MEIKIN: variants seen among roughly 807,000 people sequenced by gnomAD.
The protein encoded by MEIKIN is meiotic kinetochore factor.
At chr5:131,868,468 T>C (rs910044493) in intron 9 of MEIKIN, among the ~76,000 whole-genome samples, 2 of 152,240 alleles carry the variant, frequency 1.3e-5, no homozygotes. Flanking sequence ...GCCTTTTGTA[T>C]ATCTTCTTTA....
intron 8 of MEIKIN, among the ~76,000 whole-genome samples, chr5:131,906,911 T>C (rs932645608): frequency 1.3e-5 from 2 of 152,204 alleles, no homozygotes; most frequent in Non-Finnish European, 2.9e-5. Flanking sequence ...TCAGGTACTA[T>C]GCTTATTACA....
At chr5:131,905,097 T>C (rs1428193258) in intron 8 of MEIKIN, among the ~76,000 whole-genome samples, 1 of 152,090 alleles carries the variant, frequency 6.6e-6, no homozygotes, top group Non-Finnish European at 1.5e-5. Context: ...ACCTGCACGT[T>C]CTGCACATGT....
At chr5:131,938,825 T>G (rs1324068259) in intron 4 of MEIKIN, among the ~76,000 whole-genome samples, 1 of 152,222 alleles carries the variant, frequency 6.6e-6, no homozygotes, top group East Asian at 1.9e-4. Flanking sequence ...TTTAAATGTT[T>G]ACTTAAAATG....
At chr5:131,919,423 T>C (rs1282415052) in intron 6 of MEIKIN, among the ~76,000 whole-genome samples, 1 of 152,218 alleles carries the variant, frequency 6.6e-6, no homozygotes, top group Non-Finnish European at 1.5e-5. Flanking sequence ...ATATATATCA[T>C]AGGTTTATTC....
rs199990669 is a variant in MEIKIN at position 131,887,699 on chromosome 5, G to GT, written c.704-8652dup. 1.5e-3 allele frequency among the ~76,000 whole-genome samples: 222 copies of GT among 148,178 alleles called. 1 individual carries two copies. The highest frequency in any genetic ancestry group is 4.1e-3 in the African/African-American group (164 of 40,408). On this transcript the variant is annotated intron_variant, in intron 8 of 12. Transcript: ENST00000442687. ...TGTTGGGTTTTTTTCTTGTAAATTT[G>GT]TTTTTTTTTTATTTTATTATTATTA...
intron 5 of MEIKIN, among the ~76,000 whole-genome samples, chr5:131,932,442 G>T (rs1055072289): frequency 6.6e-6 from 1 of 152,224 alleles, no homozygotes. Flanking sequence ...TTCCACGAGA[G>T]AGGCAGAAGC....
At chr5:131,905,308 G>A (rs932418971) in intron 8 of MEIKIN, among the ~76,000 whole-genome samples, 2 of 152,042 alleles carry the variant, frequency 1.3e-5, no homozygotes, top group Admixed American at 6.6e-5. Context: ...ATGTAAGAGG[G>A]AAGTTTATAG....
At chr5:131,830,932 C>G (rs1749703776) in intron 11 of MEIKIN, among the ~76,000 whole-genome samples, 1 of 151,852 alleles carries the variant, frequency 6.6e-6, no homozygotes, top group South Asian at 2.1e-4. Flanking sequence ...GAGTCTCACT[C>G]TTTCACCCAG....
At chr5:131,889,894 C>T (rs1363999524) in intron 8 of MEIKIN, among the ~76,000 whole-genome samples, 2 of 152,156 alleles carry the variant, frequency 1.3e-5, no homozygotes, top group African/African-American at 4.8e-5. Flanking sequence ...CCATCAATAC[C>T]TAATTTATTG....
At chr5:131,925,144 C>T (rs1751567227) in intron 5 of MEIKIN, among the ~76,000 whole-genome samples, 1 of 152,114 alleles carries the variant, frequency 6.6e-6, no homozygotes, top group Admixed American at 6.5e-5. Flanking sequence ...TGTACAGATT[C>T]ATTTCTCTTA....
At chr5:131,911,755 C>A (rs763942444) in intron 8 of MEIKIN, 60 bp downstream of exon 8, 2 of 393,842 alleles carry the variant, frequency 5.1e-6, no homozygotes. Context: ...AACACAGAAT[C>A]GTGTTTTAAC....
intron 10 of MEIKIN, 117 bp from the exon 11 acceptor site, chr5:131,851,500 T>G: frequency 2.6e-6 from 1 of 390,846 alleles, no homozygotes; most frequent in East Asian, 3.6e-5. Flanking sequence ...TCCTGTAAAC[T>G]TGACACAGGA....
In MEIKIN at chr5:131,865,375, A is replaced by G. The variant is rs571836832; in HGVS notation, c.775-10541T>C. ...GCTGGGACTGCAGGCATGCGCCACC[A>G]TGCCCGGCTAATTTTTTGTATTTTT... On this transcript the variant is annotated intron_variant, in intron 9 of 12. Coordinates refer to ENST00000442687, the MANE Select transcript of MEIKIN (RefSeq NM_001303622.2). Among the ~76,000 whole-genome samples, 726 of 150,884 alleles carry G rather than the reference A, an allele frequency of 4.8e-3. 6 individuals carry two copies. The highest frequency in any genetic ancestry group is 0.017 in the African/African-American group (689 of 41,146).
chr5:131,881,491 C>G (rs187703741), intron 8 of MEIKIN, among the ~76,000 whole-genome samples: 1 of 151,940 alleles, frequency 6.6e-6, no homozygotes, highest in African/African-American at 2.4e-5. Context: ...TTATTTTTAC[C>G]TCCTACATGA....
At chr5:131,873,942 C>T (rs570695589) in intron 9 of MEIKIN, among the ~76,000 whole-genome samples, 1 of 152,236 alleles carries the variant, frequency 6.6e-6, no homozygotes, top group African/African-American at 2.4e-5. Flanking sequence ...TTCTTTGAAA[C>T]CAACGACAAC....
At chr5:131,914,987 A>G (rs185809233) in intron 7 of MEIKIN, among the ~76,000 whole-genome samples, 3 of 152,290 alleles carry the variant, frequency 2.0e-5, no homozygotes, top group African/African-American at 7.2e-5. Context: ...CAACATAACA[A>G]GAAGAGCTGG....
At chr5:131,927,572 C>T (rs1293222362) in intron 5 of MEIKIN, among the ~76,000 whole-genome samples, 1 of 152,152 alleles carries the variant, frequency 6.6e-6, no homozygotes, top group Non-Finnish European at 1.5e-5. Flanking sequence ...ACTGAATTAT[C>T]CCACAATTAT....
At chr5:131,880,669 T>C (rs1444284188) in intron 8 of MEIKIN, among the ~76,000 whole-genome samples, 1 of 152,230 alleles carries the variant, frequency 6.6e-6, no homozygotes, top group Non-Finnish European at 1.5e-5. Context: ...AAAATGCAAA[T>C]AGTGTTTGCT....
At chr5:131,919,128 A>T (rs1751463759) in intron 6 of MEIKIN, among the ~76,000 whole-genome samples, 1 of 152,222 alleles carries the variant, frequency 6.6e-6, no homozygotes, top group East Asian at 1.9e-4. Flanking sequence ...AAAAATGTTT[A>T]AACTCACATA....
Sources: gnomAD v4.1 joint callset for allele counts (sites outside exome capture counted in the v4.1 genomes callset) on GRCh38, gnomAD v4.1.1 for gene constraint, MANE v1.5 for transcripts, NCBI Gene and HGNC (gene_info 2026-07-23, HGNC 2026-07-21) for gene names.